Variants in MAMDC2 observed in about 807,000 individuals in gnomAD.
MAMDC2 encodes the protein MAM domain containing 2.
In MAMDC2, 57 loss-of-function variants were observed where a neutral mutation model predicts 89.8. The observed-to-expected ratio is 0.63, with a 90% CI of 0.51 to 0.79. MAMDC2 has a LOEUF of 0.79. Ranked by LOEUF, MAMDC2 falls within the 30% of genes least tolerant of loss-of-function variation. The pLI is 0.00. For missense variants in MAMDC2, 800 were observed against 820.6 expected, an observed-to-expected ratio of 0.97 and a Z score of 0.31; for synonymous variants, 313 against 293.4, an observed-to-expected ratio of 1.07 and a Z score of -0.68.
At chr9:70,061,929 T>C (rs1827159283) in intron 2 of MAMDC2, among the ~76,000 whole-genome samples, 1 of 152,218 alleles carries the variant, frequency 6.6e-6, no homozygotes, top group Non-Finnish European at 1.5e-5. Flanking sequence ...GCCTTTCCTG[T>C]TGTCCATCTG....
intron 11 of MAMDC2, 50 bp downstream of exon 11, chr9:70,170,681 C>T: frequency 6.7e-7 from 1 of 1,500,030 alleles, no homozygotes; most frequent in Non-Finnish European, 8.9e-7. Flanking sequence ...TCTAAAATAG[C>T]ATTCTAGGAA....
At chr9:70,136,170 A>G (rs1297793679) in intron 7 of MAMDC2, among the ~76,000 whole-genome samples, 1 of 152,084 alleles carries the variant, frequency 6.6e-6, no homozygotes, top group African/African-American at 2.4e-5. Flanking sequence ...AAGCAAACAA[A>G]AAACTCTCTA....
chr9:70,112,151 G>T (rs886984137), intron 4 of MAMDC2, among the ~76,000 whole-genome samples: 2 of 152,186 alleles, frequency 1.3e-5, no homozygotes, highest in Non-Finnish European at 2.9e-5. Flanking sequence ...ACGTGGATCC[G>T]CAGGGGGCCA....
At chr9:70,153,948 C>T (rs1049640785) in intron 9 of MAMDC2, 1 of 152,116 alleles carries the variant, frequency 6.6e-6, no homozygotes, top group East Asian at 1.9e-4. Flanking sequence ...GATCTCTACT[C>T]CACACACATG....
chr9:70,119,676 A>C (rs986978912), intron 5 of MAMDC2, among the ~76,000 whole-genome samples: 1 of 152,170 alleles, frequency 6.6e-6, no homozygotes, highest in Non-Finnish European at 1.5e-5. Context: ...ATCTTCCCAG[A>C]GACTGGGCCA....
chr9:70,131,466 A>C lies in MAMDC2; in HGVS notation c.901-53A>C, dbSNP rs964458989. The stretch of plus-strand genomic sequence containing the variant: ...TCATTTTAAATCATTAAGAGCACTT[A>C]AGCCAAACCGAAAATATGTGAACAT... On this transcript the variant is annotated intron_variant, in intron 6 of 13. Transcript: ENST00000377182. 6.8e-6 allele frequency: 9 copies of C among 1,326,062 alleles called. No homozygotes were observed. The African/African-American group carries it at 1.0e-4, about 15-fold the overall frequency. The allele number at this position is 1,326,062 out of a possible 1,614,324, so 82.1% of individuals were successfully genotyped here.
intron 11 of MAMDC2, chr9:70,217,181 G>C (rs768723947): frequency 1.4e-6 from 1 of 701,556 alleles, no homozygotes; most frequent in Non-Finnish European, 2.6e-6. Flanking sequence ...TTCTCTTCCC[G>C]TGGAGCCGTC....
chr9:70,203,485 A>G (rs2118639618), intron 11 of MAMDC2, among the ~76,000 whole-genome samples: 1 of 140,126 alleles, frequency 7.1e-6, no homozygotes, highest in East Asian at 2.1e-4. Flanking sequence ...GGCTGCCCTT[A>G]ACATTTTTTC....
intron 9 of MAMDC2, among the ~76,000 whole-genome samples, chr9:70,145,205 G>A (rs943447457): frequency 7.2e-5 from 11 of 152,234 alleles, no homozygotes; most frequent in African/African-American, 1.4e-4. Flanking sequence ...TATTCCTTAC[G>A]TGATTTTATC....
chr9:70,133,381 G>A (rs1476912484), intron 7 of MAMDC2, among the ~76,000 whole-genome samples: 1 of 152,166 alleles, frequency 6.6e-6, no homozygotes, highest in Non-Finnish European at 1.5e-5. Context: ...CTGGTGAAAG[G>A]AAAAGAAACG....
chr9:70,164,786 T>C (rs2032110118), intron 9 of MAMDC2, among the ~76,000 whole-genome samples: 1 of 151,890 alleles, frequency 6.6e-6, no homozygotes, highest in Admixed American at 6.6e-5. Flanking sequence ...GTACCTGGAC[T>C]ACAAGCGCAC....
At chr9:70,079,267 C>G (rs1349941393) in intron 2 of MAMDC2, 2 of 152,040 alleles carry the variant, frequency 1.3e-5, no homozygotes, top group Admixed American at 1.3e-4. Context: ...AGCAGAGCTC[C>G]CAAAAGAATG....
intron 2 of MAMDC2, among the ~76,000 whole-genome samples, chr9:70,054,693 G>C (rs1826988914): frequency 6.6e-6 from 1 of 152,074 alleles, no homozygotes; most frequent in Admixed American, 6.6e-5. Context: ...TTCCTTGCTA[G>C]CTCTGGATTA....
rs577057011 is a variant in MAMDC2 at position 70,135,345 on chromosome 9, G to T, written c.994+3733G>T. Reference sequence around the variant, plus strand: ...CTAACACCTCTGAAACAAGCTTGAAGCAAAGCCTCTGCACCCACTCAGGTC... The same window carrying T: ...CTAACACCTCTGAAACAAGCTTGAATCAAAGCCTCTGCACCCACTCAGGTC... On this transcript the variant is annotated intron_variant, in intron 7 of 13. Coordinates refer to ENST00000377182, the MANE Select transcript of MAMDC2 (RefSeq NM_153267.5). Among the ~76,000 whole-genome samples, 3 of 152,242 alleles carry T rather than the reference G, an allele frequency of 2.0e-5. No individual in the cohort carries two copies. The South Asian group carries it at 6.2e-4, about 32-fold the overall frequency.
chr9:70,156,887 G>T lies in MAMDC2; in HGVS notation c.1405-11815G>T, dbSNP rs1409978376. ...TTCTGTGTTTCATGCCAACTTATGAGAAAATTACTGGGAAGATAGATTAGC... is the reference window on the plus strand; with the variant it reads ...TTCTGTGTTTCATGCCAACTTATGATAAAATTACTGGGAAGATAGATTAGC... On this transcript the variant is annotated intron_variant, in intron 9 of 13. Transcript: ENST00000377182. Among the ~76,000 whole-genome samples, 5 of 152,118 alleles carry T rather than the reference G, an allele frequency of 3.3e-5. No individual in the cohort carries two copies. The South Asian group carries it at 8.3e-4, about 25-fold the overall frequency.
intron 2 of MAMDC2, among the ~76,000 whole-genome samples, chr9:70,055,060 C>T (rs1018075578): frequency 1.3e-5 from 2 of 151,926 alleles, no homozygotes; most frequent in South Asian, 4.2e-4. Context: ...TTTAAAAAAA[C>T]AAAACAACAC....
At chr9:70,212,860 C>G (rs935300802) in intron 11 of MAMDC2, among the ~76,000 whole-genome samples, 2 of 152,134 alleles carry the variant, frequency 1.3e-5, no homozygotes, top group African/African-American at 4.8e-5. Flanking sequence ...GAACTGAAAG[C>G]ATAGTAGACT....
intron 8 of MAMDC2, among the ~76,000 whole-genome samples, chr9:70,141,214 C>A (rs918470786): frequency 6.6e-6 from 1 of 152,132 alleles, no homozygotes; most frequent in African/African-American, 2.4e-5. Context: ...AAAGGCCCTA[C>A]CAAATCTATT....
chr9:70,203,212 T>C (rs1420062328), intron 11 of MAMDC2, among the ~76,000 whole-genome samples: 1 of 152,182 alleles, frequency 6.6e-6, no homozygotes, highest in Non-Finnish European at 1.5e-5. Context: ...CCTTTCCATG[T>C]TTAGCGCTTC....
Sources: allele counts gnomAD v4.1 joint callset (sites outside exome capture counted in the v4.1 genomes callset), GRCh38; gene constraint gnomAD v4.1.1; transcripts MANE v1.5; gene names NCBI Gene and HGNC (gene_info 2026-07-23, HGNC 2026-07-21).